The following CHCHD6 variants were observed in gnomAD, a reference collection of about 807,000 sequenced individuals.
CHCHD6 encodes the protein coiled-coil-helix-coiled-coil-helix domain containing 6, also known as MICOS complex subunit MIC25.
A neutral mutation model predicts 32.3 loss-of-function variants in CHCHD6; 28 were observed. The ratio of observed to expected loss-of-function variants is 0.87; its 90% CI spans 0.64 to 1.19. The LOEUF is 1.19. CHCHD6 is among the 50% of genes most tolerant of loss of function. CHCHD6 has a pLI of 0.00. For missense variants in CHCHD6, 333 were observed against 307.0 expected (o/e 1.08, Z -0.63); for synonymous variants, 122 against 117.5 (o/e 1.04, Z -0.25).
chr3:126,928,736 C>T (rs1162398859), intron 6 of CHCHD6, among the ~76,000 whole-genome samples: 2 of 152,192 alleles, frequency 1.3e-5, no homozygotes, highest in Non-Finnish European at 2.9e-5. Flanking sequence ...CTATGTGTTC[C>T]AACGTCATCA....
intron 6 of CHCHD6, among the ~76,000 whole-genome samples, chr3:126,919,446 T>TA (rs1296630037): frequency 6.6e-6 from 1 of 151,796 alleles, no homozygotes; most frequent in Non-Finnish European, 1.5e-5. Flanking sequence ...CTTGAGTAGC[T>TA]AGAACCACAG....
chr3:126,899,457 C>T (rs1301513409), intron 5 of CHCHD6, among the ~76,000 whole-genome samples: 2 of 152,280 alleles, frequency 1.3e-5, no homozygotes, highest in South Asian at 2.1e-4. Context: ...TCTGGATTTT[C>T]GTTTGGAAAC....
chr3:126,924,465 A>G (rs1470975413), intron 6 of CHCHD6, among the ~76,000 whole-genome samples: 1 of 152,226 alleles, frequency 6.6e-6, no homozygotes, highest in Admixed American at 6.5e-5. Flanking sequence ...TACAAACACA[A>G]CCACAAGGAA....
At chr3:126,809,256 A>G (rs1939552436) in intron 4 of CHCHD6, among the ~76,000 whole-genome samples, 1 of 152,198 alleles carries the variant, frequency 6.6e-6, no homozygotes, top group African/African-American at 2.4e-5. Context: ...GGCATGAGCC[A>G]CTGTGCCTGG....
At chr3:126,941,782 T>C (rs1054786133) in intron 6 of CHCHD6, among the ~76,000 whole-genome samples, 1 of 152,230 alleles carries the variant, frequency 6.6e-6, no homozygotes, top group Non-Finnish European at 1.5e-5. Context: ...TTTTCTGACA[T>C]GATAACTCCT....
chr3:126,905,745 G>A (rs1268605604), intron 5 of CHCHD6, among the ~76,000 whole-genome samples: 2 of 152,176 alleles, frequency 1.3e-5, no homozygotes, highest in Non-Finnish European at 2.9e-5. Context: ...AACAGAAAGG[G>A]AAGGAGTCAG....
intron 4 of CHCHD6, among the ~76,000 whole-genome samples, chr3:126,756,524 A>G (rs1288776476): frequency 6.6e-6 from 1 of 152,160 alleles, no homozygotes; most frequent in Non-Finnish European, 1.5e-5. Flanking sequence ...AGTGTTTTTC[A>G]GGATTGCCTC....
chr3:126,756,410 G>A (rs1936959700), intron 4 of CHCHD6, among the ~76,000 whole-genome samples: 2 of 152,156 alleles, frequency 1.3e-5, no homozygotes, highest in South Asian at 2.1e-4. Flanking sequence ...AAGGGAGGGT[G>A]TCCACTTGTT....
At chr3:126,866,841 A>G (rs1576527239) in intron 5 of CHCHD6, among the ~76,000 whole-genome samples, 1 of 152,192 alleles carries the variant, frequency 6.6e-6, no homozygotes, top group East Asian at 1.9e-4. Flanking sequence ...ATGCATCTCT[A>G]AAAACCGTGG....
chr3:126,919,398 C>T (rs2078214696), intron 6 of CHCHD6, among the ~76,000 whole-genome samples: 1 of 150,882 alleles, frequency 6.6e-6, no homozygotes, highest in Admixed American at 6.6e-5. Flanking sequence ...ACTGCAGCCT[C>T]AACCGCCTGG....
At chr3:126,799,791 C>T (rs1004003) in intron 4 of CHCHD6, among the ~76,000 whole-genome samples, 5,034 of 152,290 alleles carry the variant, frequency 0.033, 272 homozygotes, top group African/African-American at 0.11. Context: ...CAGAATACCA[C>T]GGCCTGGAGA....
intron 5 of CHCHD6, among the ~76,000 whole-genome samples, chr3:126,908,076 C>T (rs2078031148): frequency 9.2e-5 from 1 of 10,820 alleles, no homozygotes; most frequent in South Asian, 6.8e-3. Flanking sequence ...CGGGAATTGA[C>T]CTGTTGGAAA....
intron 5 of CHCHD6, among the ~76,000 whole-genome samples, chr3:126,888,715 G>T (rs964026402): frequency 2.0e-5 from 3 of 152,218 alleles, no homozygotes; most frequent in African/African-American, 4.8e-5. Context: ...ACAAAGCATA[G>T]ACCTGCTCTC....
intron 5 of CHCHD6, among the ~76,000 whole-genome samples, chr3:126,855,300 A>C (rs916278992): frequency 2.0e-5 from 3 of 152,154 alleles, no homozygotes; most frequent in Non-Finnish European, 4.4e-5. Flanking sequence ...CCACACAGCA[A>C]TTCAGTCACT....
intron 4 of CHCHD6, among the ~76,000 whole-genome samples, chr3:126,781,954 G>A (rs114431041): frequency 0.015 from 2,267 of 152,244 alleles, 32 homozygotes; most frequent in Non-Finnish European, 0.023. Context: ...GGGAGGGTCT[G>A]GGAGTGTCAC....
intron 5 of CHCHD6, among the ~76,000 whole-genome samples, chr3:126,896,902 C>T (rs1176828871): frequency 6.6e-6 from 1 of 152,196 alleles, no homozygotes; most frequent in Non-Finnish European, 1.5e-5. Context: ...AGACTTCTTT[C>T]CCAGGCCCTT....
At chr3:126,834,985 A>T (rs986112349) in intron 4 of CHCHD6, among the ~76,000 whole-genome samples, 2 of 152,190 alleles carry the variant, frequency 1.3e-5, no homozygotes, top group African/African-American at 4.8e-5. Flanking sequence ...TGCCATGGGC[A>T]GTATTTGTAG....
intron 4 of CHCHD6, among the ~76,000 whole-genome samples, chr3:126,743,115 G>C (rs1422837057): frequency 1.3e-5 from 2 of 152,098 alleles, no homozygotes; most frequent in Non-Finnish European, 2.9e-5. Flanking sequence ...GGGAGCTTGT[G>C]GACTCCTCCT....
chr3:126,885,652 T>G (rs1276670998), intron 5 of CHCHD6, among the ~76,000 whole-genome samples: 1 of 152,204 alleles, frequency 6.6e-6, no homozygotes, highest in Non-Finnish European at 1.5e-5. Flanking sequence ...GTGGTGTATA[T>G]CTAAAGAACC....
Sources: gnomAD v4.1 joint callset for allele counts (sites outside exome capture counted in the v4.1 genomes callset) on GRCh38, gnomAD v4.1.1 for gene constraint, MANE v1.5 for transcripts, NCBI Gene and HGNC (gene_info 2026-07-23, HGNC 2026-07-21) for gene names.